SCUBE3: variants seen among roughly 807,000 people sequenced by gnomAD.
The protein encoded by SCUBE3 is signal peptide, CUB domain and EGF like domain containing 3, also known as signal peptide, CUB and EGF-like domain-containing protein 3.
A neutral mutation model predicts 116.8 loss-of-function variants in SCUBE3; 33 were observed. The observed-to-expected ratio is 0.28, with a 90% CI of 0.21 to 0.38. The LOEUF is 0.38. Among genes scored for constraint, SCUBE3 ranks in the 10% least tolerant of loss-of-function variants. The pLI is 1.00. For missense variants in SCUBE3, 1,007 were observed against 1,324.8 expected (o/e 0.76, Z 3.72); for synonymous variants, 418 against 496.9 (o/e 0.84, Z 2.11).
chr6:35,248,618 C>T lies in SCUBE3; in HGVS notation c.2895C>T (p.Tyr965=). Residue 965 remains tyrosine, a synonymous_variant, in exon 22 of 22, where the codon TAC becomes TAT. Transcript: ENST00000274938. ...VLAHPQNYFK[Y]TEKHKEMLPK... ...CCCACCCCCAGAACTACTTCAAGTA[C>T]ACAGAGAAACACAAGGAGATGCTGC... is the stretch of plus-strand genomic sequence containing the variant. The T allele has an allele frequency of 1.2e-6, 2 of 1,613,994 alleles. No individual in the cohort carries two copies. The highest frequency in any genetic ancestry group is 8.5e-7 in the Non-Finnish European group (1 of 1,179,896).
In SCUBE3 at chr6:35,241,907, C is replaced by T; in HGVS notation, c.1414C>T (p.His472Tyr). Residue 472 changes from histidine to tyrosine, a missense_variant, in exon 12 of 22, where the codon CAT (histidine) becomes TAT (tyrosine). By Grantham distance (83) the His-to-Tyr change is moderately conservative. Coordinates refer to ENST00000274938, the MANE Select transcript of SCUBE3 (RefSeq NM_152753.4). The surrounding 1 kb of genome is among the most constrained non-coding windows in gnomAD (Gnocchi z 4.1). ...NGNSTNSNHC[H>Y]EAAVLSIKQR... Reference sequence around the variant, plus strand: ...GAACAGCACCAACTCCAACCACTGCCATGGTAAGCACCAGCCCAGAAGCCC... The same window carrying T: ...GAACAGCACCAACTCCAACCACTGCTATGGTAAGCACCAGCCCAGAAGCCC... 2 of 1,602,500 alleles carry T rather than the reference C, an allele frequency of 1.2e-6. No individual in the cohort carries two copies. Among genetic ancestry groups the T allele is most frequent in the Non-Finnish European group, 1.7e-6 (2 of 1,174,296 alleles).
chr6:35,238,768 G>C lies in SCUBE3; in HGVS notation c.829+750G>C, dbSNP rs191917050. On this transcript the variant is annotated intron_variant, in intron 7 of 21. Coordinates refer to ENST00000274938, the MANE Select transcript of SCUBE3 (RefSeq NM_152753.4). Reference sequence around the variant, plus strand: ...GGGAGAATGGGGGGAAAGGGTGGAGGAAAAAGGCAGGGTAGCCATACTGAA... The same window carrying C: ...GGGAGAATGGGGGGAAAGGGTGGAGCAAAAAGGCAGGGTAGCCATACTGAA... Among the ~76,000 whole-genome samples, 942 of 152,212 alleles carry C rather than the reference G, an allele frequency of 6.2e-3. 9 individuals carry two copies. The highest frequency in any genetic ancestry group is 0.021 in the African/African-American group (869 of 41,536).
Position 35,245,488 on chromosome 6 carries a change from AAGAG to A in SCUBE3, c.2599+69_2599+72del. On this transcript the variant is annotated intron_variant, in intron 19 of 21. Coordinates refer to ENST00000274938, the MANE Select transcript of SCUBE3 (RefSeq NM_152753.4). The surrounding 1 kb of genome is among the most constrained non-coding windows in gnomAD (Gnocchi z 4.2). ...CCAAATCTGGTTAAGGCGGAGAACA[AAGAG>A]AGAGACTGATACAGGAAGAAATGGG... The A allele has an allele frequency of 7.3e-7, 1 of 1,367,510 alleles. No individual in the cohort carries two copies. The highest frequency in any genetic ancestry group is 1.0e-6 in the Non-Finnish European group (1 of 956,976). 84.7% of individuals were successfully genotyped at this position (1,367,510 alleles called of 1,614,324 possible). A position where few individuals can be genotyped will look rare whatever the true frequency, so the allele number is the denominator to read the frequency against.
At position 35,228,915 on chromosome 6, in the gene SCUBE3, A is replaced by G. The variant is rs1161687428; in HGVS notation, c.334+176A>G. Among the ~76,000 whole-genome samples the G allele has an allele frequency of 6.6e-6, 1 of 152,208 alleles. No homozygotes were observed. Among genetic ancestry groups the G allele is most frequent in the African/African-American group, 2.4e-5 (1 of 41,446 alleles). ...CACTTAGGATGAAAAATCCTGCTGGATGAAAAACATTAGAGGAAAAGCTGC... is the reference window on the plus strand; with the variant it reads ...CACTTAGGATGAAAAATCCTGCTGGGTGAAAAACATTAGAGGAAAAGCTGC... On this transcript the variant is annotated intron_variant, in intron 3 of 21. Transcript: ENST00000274938. This position sits in a 1 kb window ranked among gnomAD's most constrained non-coding sequence, Gnocchi z 4.9.
intron 3 of SCUBE3, among the ~76,000 whole-genome samples, chr6:35,230,355 G>A (rs539310250): frequency 5.8e-4 from 88 of 152,316 alleles, no homozygotes; most frequent in African/African-American, 2.0e-3. Flanking sequence ...GAACCAACCA[G>A]AGGGACAAGA....
chr6:35,242,210 C>T lies in SCUBE3; in HGVS notation c.1424C>T (p.Ala475Val), dbSNP rs1784099995. 2 of 1,610,668 alleles carry T rather than the reference C, an allele frequency of 1.2e-6. No homozygotes were observed. The highest frequency in any genetic ancestry group is 1.7e-6 in the Non-Finnish European group (2 of 1,176,860). ...STNSNHCHEA[A>V]VLSIKQRASF... is the part of the protein sequence containing the mutation. The stretch of plus-strand genomic sequence containing the variant: ...GTTTCTACCATCCCTCTAGAGGCTG[C>T]AGTGCTGTCCATTAAACAACGGGCC... Residue 475 changes from alanine to valine, a missense_variant, in exon 13 of 22, where the codon GCA (alanine) becomes GTA (valine). Around this residue, in one of 5 missense-constraint regions of SCUBE3, gnomAD observed 544 missense variants for 638.9 expected, o/e 0.85. Coordinates refer to ENST00000274938, the MANE Select transcript of SCUBE3 (RefSeq NM_152753.4).
chr6:35,251,658 A>G lies in SCUBE3; in HGVS notation c.*2953A>G, dbSNP rs1784560111. 1 of 152,240 alleles carries G rather than the reference A, an allele frequency of 6.6e-6. No homozygotes were observed. The highest frequency in any genetic ancestry group is 2.4e-5 in the African/African-American group (1 of 41,430). The allele number at this position is 152,240 out of a possible 1,614,324, so 9.4% of individuals were successfully genotyped here. On this transcript the variant is annotated 3_prime_UTR_variant, in exon 22 of 22. Coordinates refer to ENST00000274938, the MANE Select transcript of SCUBE3 (RefSeq NM_152753.4). ...GAGACCTGCAAATGAGTTCCACAGT[A>G]CGGAAGGCATAGACCACTAGGCTTC... is the stretch of plus-strand genomic sequence containing the variant.
Position 35,251,186 on chromosome 6 carries a change from C to G in SCUBE3, c.*2481C>G, listed in dbSNP as rs1784543681. 1 of 132,184 alleles carries G rather than the reference C, an allele frequency of 7.6e-6. No homozygotes were observed. The highest frequency in any genetic ancestry group is 1.5e-5 in the Non-Finnish European group (1 of 64,774). 8.2% of individuals were successfully genotyped at this position (132,184 alleles called of 1,614,324 possible). On this transcript the variant is annotated 3_prime_UTR_variant, in exon 22 of 22. Coordinates refer to ENST00000274938, the MANE Select transcript of SCUBE3 (RefSeq NM_152753.4). ...TTTTTTTTTTTGAGATGGAGTCTCG[C>G]TCTGTCACCCAGGCTGGAGTGTAAT...
chr6:35,239,781 G>A lies in SCUBE3; in HGVS notation c.859G>A (p.Gly287Ser), dbSNP rs753713811. 6.2e-7 allele frequency: 1 copy of A among 1,611,918 alleles called. No individual in the cohort carries two copies. The highest frequency in any genetic ancestry group is 1.1e-5 in the South Asian group (1 of 90,640). Reference sequence around the variant, plus strand: ...AGATGAGTGCCGCTTAAACAACGGGGGCTGTGACCATATTTGCCGCAACAC... The same window carrying A: ...AGATGAGTGCCGCTTAAACAACGGGAGCTGTGACCATATTTGCCGCAACAC... ...DIDECRLNNGGCDHICRNTVG... is the reference protein window; with the variant it reads ...DIDECRLNNGSCDHICRNTVG... The change falls in exon 8 of 22, where the codon GGC becomes AGC. Residue 287 changes from glycine to serine, a missense_variant. Physicochemically the swap from Gly to Ser is moderately conservative, Grantham distance 56 (BLOSUM62 0). This residue lies in a region of SCUBE3 where 214 missense variants were observed against 316.7 expected (regional missense o/e 0.68). Transcript: ENST00000274938. The surrounding 1 kb of genome is among the most constrained non-coding windows in gnomAD (Gnocchi z 4.1).
chr6:35,223,850 C>T (rs998663294), intron 1 of SCUBE3: 1 of 152,092 alleles, frequency 6.6e-6, no homozygotes, highest in African/African-American at 2.4e-5. Context: ...AATTTGGGGC[C>T]CTCTTTCACA....
chr6:35,221,236 A>G (rs1783108207), intron 1 of SCUBE3: 3 of 152,326 alleles, frequency 2.0e-5, no homozygotes, highest in Admixed American at 1.3e-4. Context: ...TAGCAGCCCC[A>G]TATGATGTCT....
chr6:35,214,559 C>G lies in SCUBE3; in HGVS notation c.85+56C>G. ...CTGTCCTGGCTGCTGGGCCTCAGGG[C>G]CTAGGAGCGATTCCCGAGGGGCAGG... On this transcript the variant is annotated intron_variant, in intron 1 of 21. Transcript: ENST00000274938. The surrounding 1 kb of genome is among the most constrained non-coding windows in gnomAD (Gnocchi z 6.3). The G allele has an allele frequency of 1.7e-6, 2 of 1,167,520 alleles. No individual in the cohort carries two copies. Among genetic ancestry groups the G allele is most frequent in the South Asian group, 3.5e-5 (2 of 56,982 alleles). The allele number at this position is 1,167,520 out of a possible 1,614,324, so 72.3% of individuals were successfully genotyped here.
chr6:35,216,695 C>T (rs1473457957), intron 1 of SCUBE3, among the ~76,000 whole-genome samples: 3 of 152,206 alleles, frequency 2.0e-5, no homozygotes, highest in Admixed American at 1.3e-4. Flanking sequence ...ATCAGCAGTG[C>T]CAGAAAGTGT....
chr6:35,241,474 A>G lies in SCUBE3; in HGVS notation c.1196-69A>G, dbSNP rs533938492. ...ACAACAATAGTTATGCAAGTAGCTG[A>G]TTCCTCCAAATTACCCAACTGAGGG... On this transcript the variant is annotated intron_variant, in intron 10 of 21. Transcript: ENST00000274938. The surrounding 1 kb of genome is among the most constrained non-coding windows in gnomAD (Gnocchi z 4.1). 64 of 1,214,354 alleles carry G rather than the reference A, an allele frequency of 5.3e-5. No individual in the cohort carries two copies. In the Middle Eastern group the frequency reaches 1.3e-3, roughly 25 times the overall value. The allele number at this position is 1,214,354 out of a possible 1,614,324, so 75.2% of individuals were successfully genotyped here.
In SCUBE3 at chr6:35,245,917, C is replaced by T; in HGVS notation, c.2600-27C>T. On this transcript the variant is annotated intron_variant, in intron 19 of 21. Transcript: ENST00000274938. The surrounding 1 kb of genome is among the most constrained non-coding windows in gnomAD (Gnocchi z 4.2). The stretch of plus-strand genomic sequence containing the variant: ...GGCTTGGGTAGCCTGCCCTGCTGCT[C>T]TACTGACCTGCTGCTTGCCTTCCCA... 6.2e-7 allele frequency: 1 copy of T among 1,612,498 alleles called. No homozygotes were observed. Among genetic ancestry groups the T allele is most frequent in the Non-Finnish European group, 8.5e-7 (1 of 1,179,004 alleles).
chr6:35,231,956 A>C lies in SCUBE3; in HGVS notation c.469+97A>C. ...CCCCTAAGTCTCACCCTCCATTCTC[A>C]ACTCAGCTAGCTCCTTCTTCTCTTG... On this transcript the variant is annotated intron_variant, in intron 4 of 21. Transcript: ENST00000274938. This position sits in a 1 kb window ranked among gnomAD's most constrained non-coding sequence, Gnocchi z 4.2. 2 of 1,024,616 alleles carry C rather than the reference A, an allele frequency of 2.0e-6. No homozygotes were observed. Among genetic ancestry groups the C allele is most frequent in the Non-Finnish European group, 2.9e-6 (2 of 699,800 alleles). The allele number at this position is 1,024,616 out of a possible 1,614,324, so 63.5% of individuals were successfully genotyped here.
intron 7 of SCUBE3, among the ~76,000 whole-genome samples, chr6:35,238,326 G>A (rs1783868586): frequency 6.6e-6 from 1 of 152,142 alleles, no homozygotes; most frequent in Admixed American, 6.5e-5. Flanking sequence ...CCTGGGTCTG[G>A]AAGGATATTT....
chr6:35,231,451 C>T lies in SCUBE3; in HGVS notation c.335-274C>T, dbSNP rs1336684513. ...CCTCTGTCTTCATACCCAGTTTACA[C>T]AGGTGAGGGAAAGGGAGGCATGGCT... is the stretch of plus-strand genomic sequence containing the variant. On this transcript the variant is annotated intron_variant, in intron 3 of 21. Transcript: ENST00000274938. The surrounding 1 kb of genome is among the most constrained non-coding windows in gnomAD (Gnocchi z 4.2). 6.6e-6 allele frequency among the ~76,000 whole-genome samples: 1 copy of T among 152,184 alleles called. No individual in the cohort carries two copies. The highest frequency in any genetic ancestry group is 1.5e-5 in the Non-Finnish European group (1 of 68,028).
Position 35,240,454 on chromosome 6 carries a change from C to T in SCUBE3, c.1033C>T (p.Arg345Cys), listed in dbSNP as rs200059981. ...TPGSFQCLCH[R>C]GYLLYGITHC... ...AGGAAGCTTCCAGTGTCTCTGCCAT[C>T]GTGGCTACCTGTTGTATGGTATCAC... Residue 345 changes from arginine to cysteine, a missense_variant, in exon 9 of 22, where the codon CGT becomes TGT. By Grantham distance (180) the Arg-to-Cys change is radical. Transcript: ENST00000274938. This position sits in a 1 kb window ranked among gnomAD's most constrained non-coding sequence, Gnocchi z 4.6. 9.3e-6 allele frequency: 15 copies of T among 1,609,448 alleles called. No homozygotes were observed. Among genetic ancestry groups the T allele is most frequent in the African/African-American group, 2.7e-5 (2 of 74,918 alleles).
Sources: gnomAD v4.1 joint callset for allele counts (sites outside exome capture counted in the v4.1 genomes callset) on GRCh38, gnomAD v4.1.1 for gene constraint, gnomAD v4.1.1 regional missense constraint, Gnocchi (gnomAD v3.1) non-coding constraint, MANE v1.5 for transcripts, NCBI Gene and HGNC (gene_info 2026-07-23, HGNC 2026-07-21) for gene names.